Variants in COL5A1 observed in about 807,000 individuals in gnomAD.
COL5A1 encodes the protein collagen type V alpha 1 chain.
A neutral mutation model predicts 263.7 loss-of-function variants in COL5A1; 16 were observed. The ratio of observed to expected loss-of-function variants is 0.06; its 90% CI spans 0.04 to 0.09. COL5A1 has a LOEUF of 0.09. Ranked by LOEUF, COL5A1 falls within the 10% of genes least tolerant of loss-of-function variation. COL5A1 has a pLI of 1.00. For synonymous variants in COL5A1, 1,012 were observed against 1,004.5 expected (o/e 1.01, Z -0.14); for missense variants, 2,036 against 2,540.5 (o/e 0.80, Z 4.27).
chr9:134,724,581 T>G (rs942932198), intron 4 of COL5A1, among the ~76,000 whole-genome samples: 15 of 152,138 alleles, frequency 9.9e-5, no homozygotes, highest in African/African-American at 3.6e-4. Context: ...CCAAAAGTCT[T>G]CGTGGAAGAG....
At chr9:134,827,033 C>A (rs1337131405) in intron 63 of COL5A1, among the ~76,000 whole-genome samples, 1 of 152,202 alleles carries the variant, frequency 6.6e-6, no homozygotes, top group Non-Finnish European at 1.5e-5. Context: ...GCCCCTGCAT[C>A]AGCTTGAACG....
At chr9:134,695,790 T>C (rs1349422073) in intron 2 of COL5A1, among the ~76,000 whole-genome samples, 1 of 152,196 alleles carries the variant, frequency 6.6e-6, no homozygotes, top group Non-Finnish European at 1.5e-5. Flanking sequence ...CCATGACAAA[T>C]GCAGTAAGTT....
At chr9:134,816,103 T>TTTATGATATCGATTCCC in intron 52 of COL5A1, 115 bp downstream of exon 52, 3 of 916,664 alleles carry the variant, frequency 3.3e-6, no homozygotes, top group Admixed American at 3.6e-5. Flanking sequence ...TATTGATTCC[T>TTTATGATATCGATTCCC]TTATGATATC....
intron 63 of COL5A1, among the ~76,000 whole-genome samples, chr9:134,828,549 T>TAC (rs1437518508): frequency 0.011 from 1,380 of 121,510 alleles, 22 homozygotes; most frequent in African/African-American, 0.04. Context: ...ACCACAGAGA[T>TAC]ACGCACCACA....
At chr9:134,701,089 G>A in intron 3 of COL5A1, 82 bp from the exon 4 acceptor site, 2 of 1,439,400 alleles carry the variant, frequency 1.4e-6, no homozygotes, top group Non-Finnish European at 1.9e-6. Context: ...CCTTCTTCCT[G>A]TGTCTCGAGG....
chr9:134,725,660 A>T (rs957741753), intron 4 of COL5A1, among the ~76,000 whole-genome samples: 2 of 152,226 alleles, frequency 1.3e-5, no homozygotes, highest in African/African-American at 2.4e-5. Flanking sequence ...TTAGAGGAAG[A>T]AGGAATAAGT....
At chr9:134,654,750 C>A (rs1258322402) in intron 1 of COL5A1, among the ~76,000 whole-genome samples, 1 of 116,436 alleles carries the variant, frequency 8.6e-6, no homozygotes, top group Non-Finnish European at 1.8e-5. Context: ...GTGTGTAGGG[C>A]TGGTGTGTGT....
intron 2 of COL5A1, among the ~76,000 whole-genome samples, chr9:134,697,639 G>T (rs1166548159): frequency 6.6e-6 from 1 of 152,120 alleles, no homozygotes; most frequent in Non-Finnish European, 1.5e-5. Context: ...CTGGCCCTCA[G>T]TGCCCCATGC....
chr9:134,759,179 A>G (rs1395301912), intron 18 of COL5A1, among the ~76,000 whole-genome samples: 3 of 151,892 alleles, frequency 2.0e-5, no homozygotes, highest in Non-Finnish European at 2.9e-5. Flanking sequence ...GAGGACATAC[A>G]GGCACATGAG....
chr9:134,828,790 C>A (rs1839431125), intron 63 of COL5A1, among the ~76,000 whole-genome samples: 1 of 150,654 alleles, frequency 6.6e-6, no homozygotes. Context: ...ACACACCATA[C>A]ACAGACATTA....
chr9:134,787,373 C>T (rs56271622), intron 31 of COL5A1, among the ~76,000 whole-genome samples: 17,576 of 152,196 alleles, frequency 0.12, 1,306 homozygotes, highest in Non-Finnish European at 0.16. Context: ...GGCAGGCGGG[C>T]GTGTGAGTGG....
intron 13 of COL5A1, among the ~76,000 whole-genome samples, chr9:134,752,386 C>T (rs1835813290): frequency 6.6e-6 from 1 of 150,396 alleles, no homozygotes; most frequent in Non-Finnish European, 1.5e-5. Context: ...TGTCCCACGT[C>T]ACTCCCGTGG....
At chr9:134,657,145 T>C (rs13302016) in intron 1 of COL5A1, among the ~76,000 whole-genome samples, 42 of 1,420 alleles carry the variant, frequency 0.03, no homozygotes, top group Admixed American at 0.08. Flanking sequence ...GTAGGGGGTG[T>C]AGTTTATAGA....
At position 134,820,109 on chromosome 9, in the gene COL5A1, C is replaced by G. The variant is rs557907306; in HGVS notation, c.4447-7C>G. Reference sequence around the variant, plus strand: ...AAATGCCCCTTCCTGTCTTCATTTTCCCACAGGGTCATCCAGGCCTGATCG... The same window carrying G: ...AAATGCCCCTTCCTGTCTTCATTTTGCCACAGGGTCATCCAGGCCTGATCG... On this transcript the variant is annotated splice_polypyrimidine_tract_variant and splice_region_variant and intron_variant, in intron 57 of 65. Transcript: ENST00000371817. The G allele has an allele frequency of 6.2e-7, 1 of 1,611,860 alleles. No individual in the cohort carries two copies. Among genetic ancestry groups the G allele is most frequent in the South Asian group, 1.1e-5 (1 of 91,052 alleles).
intron 4 of COL5A1, among the ~76,000 whole-genome samples, chr9:134,711,825 G>A (rs1834052002): frequency 6.6e-6 from 1 of 151,972 alleles, no homozygotes; most frequent in South Asian, 2.1e-4. Flanking sequence ...CACATCTCCT[G>A]TGTCCCCTTT....
At chr9:134,709,445 G>A (rs1337008964) in intron 4 of COL5A1, among the ~76,000 whole-genome samples, 1 of 152,204 alleles carries the variant, frequency 6.6e-6, no homozygotes, top group Non-Finnish European at 1.5e-5. Flanking sequence ...GTATCGGGGT[G>A]CATTCTCATT....
intron 26 of COL5A1, among the ~76,000 whole-genome samples, chr9:134,774,079 C>G (rs543058402): frequency 6.6e-6 from 1 of 152,384 alleles, no homozygotes; most frequent in East Asian, 1.9e-4. Flanking sequence ...GCCCACAGCA[C>G]AGGCCCACTG....
At position 134,830,032 on chromosome 9, in the gene COL5A1, G is replaced by A. The variant is rs778913787; in HGVS notation, c.5124G>A (p.Lys1708=). 3.1e-6 allele frequency: 5 copies of A among 1,614,078 alleles called. No homozygotes were observed. The East Asian group carries it at 6.7e-5, about 22-fold the overall frequency. Residue 1708 remains lysine, a synonymous_variant, in exon 64 of 66, where the codon AAG becomes AAA. Transcript: ENST00000371817. The stretch of plus-strand genomic sequence containing the variant: ...CGGGCTCCTGGTTCAGTGAATTCAA[G>A]CGTGGGAAACTGGTAAGGTGGCCTC... The part of the protein sequence containing the change: ...ENPGSWFSEF[K]RGKLLSYVDA...
intron 65 of COL5A1, among the ~76,000 whole-genome samples, chr9:134,837,248 A>AGCTTCCTG (rs988128902): frequency 4.6e-5 from 7 of 152,150 alleles, no homozygotes; most frequent in Admixed American, 1.3e-4. Context: ...TTTGGCTTTG[A>AGCTTCCTG]GCTTCCTGGC....
Sources: allele counts gnomAD v4.1 joint callset (sites outside exome capture counted in the v4.1 genomes callset), GRCh38; gene constraint gnomAD v4.1.1; transcripts MANE v1.5; gene names NCBI Gene and HGNC (gene_info 2026-07-23, HGNC 2026-07-21).